Variants in PPP2R2A observed in about 807,000 individuals in gnomAD.
The protein encoded by PPP2R2A is serine/threonine-protein phosphatase 2A 55 kDa regulatory subunit B alpha isoform.
Under a neutral mutation model 53.2 loss-of-function variants are expected in PPP2R2A, and 9 were observed. The ratio of observed to expected loss-of-function variants is 0.17; its 90% CI spans 0.10 to 0.30. The LOEUF (loss-of-function observed/expected upper bound fraction) is 0.30. Among genes scored for constraint, PPP2R2A ranks in the 10% least tolerant of loss-of-function variants. The probability of loss-of-function intolerance (pLI) is 1.00; values close to 1 mark genes in which losing one functional copy is unlikely to be tolerated. For synonymous variants in PPP2R2A, 169 were observed against 174.2 expected (o/e 0.97, Z 0.23); for missense variants, 235 against 534.6 (o/e 0.44, Z 5.53).
chr8:26,334,838 AT>A (rs1485547560), intron 2 of PPP2R2A, among the ~76,000 whole-genome samples: 2 of 152,220 alleles, frequency 1.3e-5, no homozygotes, highest in African/African-American at 2.4e-5. Context: ...CTAGCTACAT[AT>A]GGGTATCAGA....
chr8:26,366,820 A>G (rs1353408817), intron 9 of PPP2R2A, among the ~76,000 whole-genome samples: 8 of 152,106 alleles, frequency 5.3e-5, no homozygotes, highest in Non-Finnish European at 1.2e-4. Context: ...GGTCTTTCAT[A>G]TGTATGTTAT....
intron 2 of PPP2R2A, among the ~76,000 whole-genome samples, chr8:26,335,037 C>T (rs942061328): frequency 6.6e-6 from 1 of 152,104 alleles, no homozygotes; most frequent in Non-Finnish European, 1.5e-5. Context: ...GATACACAGC[C>T]GAGGATGCTT....
rs1563308326 is a variant in PPP2R2A at position 26,338,525 on chromosome 8, T to C, written c.83-365T>C. On this transcript the variant is annotated intron_variant, in intron 2 of 9. Coordinates refer to ENST00000380737, the MANE Select transcript of PPP2R2A (RefSeq NM_002717.4). The surrounding 1 kb of genome is among the most constrained non-coding windows in gnomAD (Gnocchi z 4.5). ...TTATAGATGATTATTTGCATTTGCA[T>C]AAACAAGCTTATCAAATGTATATAA... Among the ~76,000 whole-genome samples, 1 of 152,392 alleles carries C rather than the reference T, an allele frequency of 6.6e-6. No homozygotes were observed. The highest frequency in any genetic ancestry group is 2.1e-4 in the South Asian group (1 of 4,830).
At chr8:26,368,375 G>A (rs926342791) in intron 9 of PPP2R2A, among the ~76,000 whole-genome samples, 22 of 152,184 alleles carry the variant, frequency 1.4e-4, no homozygotes, top group African/African-American at 5.3e-4. Flanking sequence ...CCATTGGTAA[G>A]CAGCGGTAGC....
chr8:26,333,353 G>C (rs1375356365), intron 2 of PPP2R2A: 1 of 265,252 alleles, frequency 3.8e-6, no homozygotes, highest in Non-Finnish European at 6.5e-6. Flanking sequence ...TGTTTTTGTT[G>C]CTGTTTTCAT....
chr8:26,365,418 A>G (rs1164314726), intron 8 of PPP2R2A: 4 of 152,124 alleles, frequency 2.6e-5, no homozygotes, highest in Admixed American at 2.6e-4. Flanking sequence ...TCATTCCACT[A>G]TATTTAAAGT....
intron 2 of PPP2R2A, among the ~76,000 whole-genome samples, chr8:26,299,523 T>A (rs1181163798): frequency 6.6e-6 from 1 of 152,208 alleles, no homozygotes; most frequent in Non-Finnish European, 1.5e-5. Context: ...TTGGTAGGAT[T>A]TAGCCTTGTG....
chr8:26,330,062 T>TA (rs909134920), intron 2 of PPP2R2A, among the ~76,000 whole-genome samples: 7 of 152,288 alleles, frequency 4.6e-5, no homozygotes, highest in South Asian at 4.1e-4. Flanking sequence ...CAGTGATACT[T>TA]ACGTTAGAGC....
rs1040470959 is a variant in PPP2R2A at position 26,338,233 on chromosome 8, G to C, written c.83-657G>C. On this transcript the variant is annotated intron_variant, in intron 2 of 9. Transcript: ENST00000380737. This position sits in a 1 kb window ranked among gnomAD's most constrained non-coding sequence, Gnocchi z 4.5. Reference sequence around the variant, plus strand: ...AAAAACCAAGAAAAAAAACTTGACAGTTTTCTTTGATCATGACTGTGAAGT... The same window carrying C: ...AAAAACCAAGAAAAAAAACTTGACACTTTTCTTTGATCATGACTGTGAAGT... 2.0e-5 allele frequency among the ~76,000 whole-genome samples: 3 copies of C among 152,266 alleles called. No individual in the cohort carries two copies. The highest frequency in any genetic ancestry group is 7.2e-5 in the African/African-American group (3 of 41,570).
chr8:26,368,980 C>T (rs959588849), intron 9 of PPP2R2A, among the ~76,000 whole-genome samples: 8 of 151,126 alleles, frequency 5.3e-5, no homozygotes, highest in Non-Finnish European at 8.8e-5. Context: ...TGGTGGCGGA[C>T]GCCTGTAGTC....
In PPP2R2A at chr8:26,363,755, A is replaced by T; in HGVS notation, c.837A>T (p.Ser279=). ...FEEPEDPSNR[S]FFSEIISSIS... is the part of the protein sequence containing the mutation. ...AACCTGAAGATCCCAGTAACAGGTCATTTTTTTCCGAAATCATCTCCTCTA... is the reference window on the plus strand; with the variant it reads ...AACCTGAAGATCCCAGTAACAGGTCTTTTTTTTCCGAAATCATCTCCTCTA... The change falls in exon 8 of 10, where the codon TCA becomes TCT. Residue 279 remains serine, a synonymous_variant. Transcript: ENST00000380737. 3 of 1,600,432 alleles carry T rather than the reference A, an allele frequency of 1.9e-6. No homozygotes were observed. Among genetic ancestry groups the T allele is most frequent in the Non-Finnish European group, 2.6e-6 (3 of 1,171,636 alleles).
intron 2 of PPP2R2A, among the ~76,000 whole-genome samples, chr8:26,332,400 A>G (rs1044919924): frequency 6.6e-6 from 1 of 151,336 alleles, no homozygotes; most frequent in Non-Finnish European, 1.5e-5. Context: ...ACAAATTGAT[A>G]TCAAAATACC....
chr8:26,291,799 G>T lies in PPP2R2A; in HGVS notation c.-21G>T. The T allele has an allele frequency of 6.2e-7, 1 of 1,603,514 alleles. No homozygotes were observed. The highest frequency in any genetic ancestry group is 1.1e-5 in the South Asian group (1 of 89,784). The stretch of plus-strand genomic sequence containing the variant: ...GCGGAGACCCCGAGGAACCCAGCAG[G>T]GTCACCATTTGCAGCGCAACATGGC... On this transcript the variant is annotated 5_prime_UTR_variant, in exon 1 of 10. Transcript: ENST00000380737.
At chr8:26,332,360 T>C (rs1301160473) in intron 2 of PPP2R2A, among the ~76,000 whole-genome samples, 1 of 128,560 alleles carries the variant, frequency 7.8e-6, no homozygotes, top group East Asian at 2.5e-4. Flanking sequence ...GACTCTTTTG[T>C]CTCAAAAAAA....
intron 3 of PPP2R2A, among the ~76,000 whole-genome samples, chr8:26,343,184 T>TA (rs1394503067): frequency 2.0e-4 from 31 of 151,628 alleles, no homozygotes; most frequent in African/African-American, 7.3e-4. Flanking sequence ...AAACTAATAA[T>TA]AAAAAATAAA....
At chr8:26,309,804 A>G (rs1182673683) in intron 2 of PPP2R2A, among the ~76,000 whole-genome samples, 1 of 152,198 alleles carries the variant, frequency 6.6e-6, no homozygotes, top group Non-Finnish European at 1.5e-5. Flanking sequence ...AACACGCAGC[A>G]TTTTTAAGAA....
At position 26,291,665 on chromosome 8, in the gene PPP2R2A, C is replaced by A. The variant is rs1037577543; in HGVS notation, c.-155C>A. ...CATCCTGCCGGCTGGTCTGCCCGCC[C>A]CTCCTTCCTTTTCCCCCCGGCCCCC... is the stretch of plus-strand genomic sequence containing the variant. On this transcript the variant is annotated 5_prime_UTR_variant, in exon 1 of 10. Transcript: ENST00000380737. The A allele has an allele frequency of 4.5e-6, 3 of 669,686 alleles. No individual in the cohort carries two copies. The highest frequency in any genetic ancestry group is 7.5e-6 in the Non-Finnish European group (3 of 401,016). The allele number at this position is 669,686 out of a possible 1,614,324, so 41.5% of individuals were successfully genotyped here. A position where few individuals can be genotyped will look rare whatever the true frequency, so the allele number is the denominator to read the frequency against.
chr8:26,294,825 A>T lies in PPP2R2A; in HGVS notation c.82+1085A>T, dbSNP rs574606233. The stretch of plus-strand genomic sequence containing the variant: ...GTGTGGTGAATCCTATGGCAAGCCA[A>T]CTGGTGTAGATTATACTTGTCATAT... On this transcript the variant is annotated intron_variant, in intron 2 of 9. Coordinates refer to ENST00000380737, the MANE Select transcript of PPP2R2A (RefSeq NM_002717.4). Among the ~76,000 whole-genome samples the T allele has an allele frequency of 2.0e-5, 3 of 152,280 alleles. 1 individual carries two copies. The highest frequency in any genetic ancestry group is 7.2e-5 in the African/African-American group (3 of 41,546).
At chr8:26,316,151 C>T (rs895765909) in intron 2 of PPP2R2A, among the ~76,000 whole-genome samples, 2 of 151,856 alleles carry the variant, frequency 1.3e-5, no homozygotes, top group African/African-American at 4.8e-5. Flanking sequence ...ACTACAGACA[C>T]CTGCCACCAC....
Sources: allele counts gnomAD v4.1 joint callset (sites outside exome capture counted in the v4.1 genomes callset), GRCh38; gene constraint gnomAD v4.1.1; non-coding constraint Gnocchi (gnomAD v3.1); transcripts MANE v1.5; gene names NCBI Gene and HGNC (gene_info 2026-07-23, HGNC 2026-07-21).